CDH2: variants seen among roughly 807,000 people sequenced by gnomAD.
CDH2 encodes cadherin-2.
In CDH2, 17 loss-of-function variants were observed where a neutral mutation model predicts 92.0. The ratio of observed to expected loss-of-function variants is 0.18; its 90% CI spans 0.13 to 0.28. The LOEUF is 0.28. Ranked by LOEUF, CDH2 falls within the 10% of genes least tolerant of loss-of-function variation. The pLI is 1.00. For missense variants in CDH2, 862 were observed against 1,133.1 expected (o/e 0.76, Z 3.44); for synonymous variants, 419 against 415.9 (o/e 1.01, Z -0.09).
chr18:28,044,700 G>C (rs1299110455), intron 2 of CDH2, among the ~76,000 whole-genome samples: 3 of 151,998 alleles, frequency 2.0e-5, no homozygotes, highest in Non-Finnish European at 4.4e-5. Flanking sequence ...GGGTTCAATG[G>C]TTCAATGATG....
chr18:28,024,756 A>C (rs2013504768), intron 2 of CDH2, among the ~76,000 whole-genome samples: 1 of 151,952 alleles, frequency 6.6e-6, no homozygotes, highest in Middle Eastern at 3.6e-3. Flanking sequence ...TATCTTAAAC[A>C]TAATATAAAC....
At chr18:27,986,574 C>A (rs767397609) in intron 11 of CDH2, among the ~76,000 whole-genome samples, 3 of 152,250 alleles carry the variant, frequency 2.0e-5, no homozygotes, top group Non-Finnish European at 4.4e-5. Context: ...CACACACACA[C>A]AAATATATAA....
chr18:28,085,345 A>C (rs2014906420), intron 2 of CDH2, among the ~76,000 whole-genome samples: 2 of 152,086 alleles, frequency 1.3e-5, no homozygotes, highest in Admixed American at 1.3e-4. Flanking sequence ...TATATTGAGA[A>C]AAGACACTTC....
chr18:27,983,981 C>G (rs1456266365), intron 13 of CDH2, among the ~76,000 whole-genome samples: 1 of 152,138 alleles, frequency 6.6e-6, no homozygotes, highest in African/African-American at 2.4e-5. Context: ...TATTATTGGC[C>G]ATAAAAGTAA....
chr18:28,123,008 T>A (rs2015617699), intron 2 of CDH2, among the ~76,000 whole-genome samples: 1 of 152,146 alleles, frequency 6.6e-6, no homozygotes, highest in African/African-American at 2.4e-5. Context: ...TAAGATATGG[T>A]AGCCAACAAG....
At chr18:28,030,974 C>T (rs17445931) in intron 2 of CDH2, among the ~76,000 whole-genome samples, 6 of 151,856 alleles carry the variant, frequency 4.0e-5, no homozygotes, top group Admixed American at 1.3e-4. Flanking sequence ...CTTCCCTGAT[C>T]CATATTTTCA....
At chr18:28,095,588 C>T (rs1194582818) in intron 2 of CDH2, among the ~76,000 whole-genome samples, 2 of 151,940 alleles carry the variant, frequency 1.3e-5, no homozygotes, top group African/African-American at 2.4e-5. Flanking sequence ...GAGGCCAAGG[C>T]GGGCAGATCA....
chr18:28,036,157 G>T (rs896502020), intron 2 of CDH2, among the ~76,000 whole-genome samples: 1 of 152,104 alleles, frequency 6.6e-6, no homozygotes, highest in African/African-American at 2.4e-5. Flanking sequence ...ATTTGAAAAT[G>T]TATCTCTTGT....
intron 2 of CDH2, among the ~76,000 whole-genome samples, chr18:28,043,753 C>T (rs2014009878): frequency 6.6e-6 from 1 of 151,272 alleles, no homozygotes; most frequent in Non-Finnish European, 1.5e-5. Flanking sequence ...TTTCTAAGGT[C>T]AAGAGTTGAA....
chr18:28,001,349 A>G (rs1487336868), intron 7 of CDH2, among the ~76,000 whole-genome samples: 1 of 152,222 alleles, frequency 6.6e-6, no homozygotes, highest in African/African-American at 2.4e-5. Flanking sequence ...ATGAGATAGG[A>G]ATATTACCAT....
intron 2 of CDH2, among the ~76,000 whole-genome samples, chr18:28,115,598 G>A (rs2015483826): frequency 6.6e-6 from 1 of 152,146 alleles, no homozygotes; most frequent in South Asian, 2.1e-4. Flanking sequence ...ATAGACAGAA[G>A]ATGGCTGCGG....
intron 1 of CDH2, among the ~76,000 whole-genome samples, chr18:28,157,242 G>A (rs910887504): frequency 3.7e-4 from 56 of 152,098 alleles, no homozygotes; most frequent in African/African-American, 1.3e-3. Context: ...ACTGCAACAC[G>A]CTTATACTCA....
chr18:27,956,987 T>C (rs2011262343), intron 15 of CDH2, among the ~76,000 whole-genome samples: 1 of 152,172 alleles, frequency 6.6e-6, no homozygotes, highest in Non-Finnish European at 1.5e-5. Flanking sequence ...TATTCTCAGC[T>C]CCAGCAACCA....
chr18:28,089,846 T>C (rs1298127842), intron 2 of CDH2, among the ~76,000 whole-genome samples: 6 of 152,212 alleles, frequency 3.9e-5, no homozygotes, highest in Non-Finnish European at 1.5e-5. Context: ...GTGCCAGGAA[T>C]ACAGAGGTAA....
chr18:28,077,984 T>C (rs2014757417), intron 2 of CDH2, among the ~76,000 whole-genome samples: 2 of 149,682 alleles, frequency 1.3e-5, no homozygotes, highest in Admixed American at 1.3e-4. Flanking sequence ...CCAAATCGAA[T>C]CTGTGGCTAT....
chr18:28,132,793 TAC>T (rs2015794296), intron 2 of CDH2, among the ~76,000 whole-genome samples: 1 of 152,204 alleles, frequency 6.6e-6, no homozygotes, highest in Non-Finnish European at 1.5e-5. Context: ...TTATGGCCTT[TAC>T]AGTCAGCTTC....
intron 2 of CDH2, among the ~76,000 whole-genome samples, chr18:28,125,097 G>C (rs2015654790): frequency 6.6e-6 from 1 of 152,152 alleles, no homozygotes; most frequent in South Asian, 2.1e-4. Flanking sequence ...TCCAGTACGT[G>C]AGACATTAGA....
chr18:27,966,259 T>C (rs1306513976), intron 14 of CDH2, among the ~76,000 whole-genome samples: 1 of 152,180 alleles, frequency 6.6e-6, no homozygotes, highest in Non-Finnish European at 1.5e-5. Context: ...AAGTCTAAAT[T>C]ACACACAAAA....
At chr18:28,003,201 TACCCTTCATTCCAGGG>T (rs1310422668) in intron 6 of CDH2, 32 bp from the exon 7 acceptor site, 2 of 1,536,586 alleles carry the variant, frequency 1.3e-6, no homozygotes, top group Admixed American at 1.7e-5. Flanking sequence ...AATGAATGGT[TACCCTTCATTCCAGGG>T]ACCCCAAAAT....
Sources: gnomAD v4.1 joint callset for allele counts (sites outside exome capture counted in the v4.1 genomes callset) on GRCh38, gnomAD v4.1.1 for gene constraint, MANE v1.5 for transcripts, NCBI Gene and HGNC (gene_info 2026-07-23, HGNC 2026-07-21) for gene names.